TENM3: variants seen among roughly 807,000 people sequenced by gnomAD.
TENM3 encodes the protein teneurin transmembrane protein 3.
In TENM3, 63 loss-of-function variants were observed where a neutral mutation model predicts 255.1. That is an observed-to-expected ratio of 0.25 (90% CI 0.20 to 0.30). TENM3 has a LOEUF of 0.30. Ranked by LOEUF, TENM3 falls within the 10% of genes least tolerant of loss-of-function variation. TENM3 has a pLI of 1.00. For synonymous variants in TENM3, 1,306 were observed against 1,322.3 expected, an observed-to-expected ratio of 0.99 and a Z score of 0.27; for missense variants, 2,929 against 3,461.1, an observed-to-expected ratio of 0.85 and a Z score of 3.86.
chr4:182,574,561 A>G (rs1744729914), intron 3 of TENM3, among the ~76,000 whole-genome samples: 2 of 152,154 alleles, frequency 1.3e-5, no homozygotes, highest in Admixed American at 1.3e-4. Context: ...GGTTTTATGT[A>G]TTATGTATTT....
At chr4:181,612,675 G>A in the TENM3 span, among the ~76,000 whole-genome samples, 1 of 151,878 alleles carries the variant, frequency 6.6e-6, no homozygotes, top group Non-Finnish European at 1.5e-5. Context: ...TTCTTTTTAT[G>A]TGATAGGATA....
intron 1 of TENM3, among the ~76,000 whole-genome samples, chr4:182,213,194 T>C (rs1755171708): frequency 6.6e-6 from 1 of 152,218 alleles, no homozygotes; most frequent in Non-Finnish European, 1.5e-5. Context: ...TTGTAACTTA[T>C]CAAGTAATGA....
the TENM3 span, among the ~76,000 whole-genome samples, chr4:182,095,059 C>T: frequency 6.6e-6 from 1 of 151,930 alleles, no homozygotes; most frequent in Non-Finnish European, 1.5e-5. Context: ...GAAAGAAGAA[C>T]CCTACTATGC....
the TENM3 span, among the ~76,000 whole-genome samples, chr4:181,893,494 C>A: frequency 1.0e-5 from 1 of 97,810 alleles, no homozygotes; most frequent in East Asian, 3.7e-4. Flanking sequence ...CCTGCCCACC[C>A]CCCCCCCACC....
chr4:182,600,017 G>A lies in TENM3; in HGVS notation c.512-907G>A, dbSNP rs143027656. ...TAATTTGTGAATTTTAACTTATGAC[G>A]TATTAGCTTTACGGAATTTTCTAGC... On this transcript the variant is annotated intron_variant, in intron 3 of 27. Transcript: ENST00000511685. 3.7e-4 allele frequency among the ~76,000 whole-genome samples: 57 copies of A among 152,276 alleles called. 1 individual carries two copies. The highest frequency in any genetic ancestry group is 3.0e-3 in the Admixed American group (46 of 15,288).
chr4:182,083,913 C>T, the TENM3 span, among the ~76,000 whole-genome samples: 1 of 151,990 alleles, frequency 6.6e-6, no homozygotes, highest in Non-Finnish European at 1.5e-5. Flanking sequence ...GAGCTGTGCT[C>T]TCTTACAGAG....
At chr4:182,214,429 A>C (rs1175852963) in intron 1 of TENM3, among the ~76,000 whole-genome samples, 1 of 152,168 alleles carries the variant, frequency 6.6e-6, no homozygotes, top group African/African-American at 2.4e-5. Context: ...ATTATTTTCC[A>C]TTCTTGATCA....
intron 1 of TENM3, among the ~76,000 whole-genome samples, chr4:182,320,222 T>G (rs767140965): frequency 1.3e-5 from 2 of 152,200 alleles, no homozygotes; most frequent in Non-Finnish European, 2.9e-5. Context: ...TTGCAGGCCA[T>G]CAGGTCTCTG....
intron 1 of TENM3, among the ~76,000 whole-genome samples, chr4:182,250,030 AT>A (rs1579893222): frequency 7.3e-6 from 1 of 137,562 alleles, no homozygotes; most frequent in East Asian, 2.1e-4. Flanking sequence ...TGTTCTGGTC[AT>A]TTTTCTTTTT....
the TENM3 span, among the ~76,000 whole-genome samples, chr4:182,026,117 T>G: frequency 6.6e-6 from 1 of 152,192 alleles, no homozygotes; most frequent in Non-Finnish European, 1.5e-5. Flanking sequence ...AGAATGTGGT[T>G]TCCAGCTTCA....
chr4:181,733,611 G>A, the TENM3 span, among the ~76,000 whole-genome samples: 1 of 152,118 alleles, frequency 6.6e-6, no homozygotes, highest in Non-Finnish European at 1.5e-5. Context: ...TTTGAATGAT[G>A]CTACCAGCTT....
chr4:182,737,976 A>G lies in TENM3; in HGVS notation c.3236-425A>G, dbSNP rs115007667. Among the ~76,000 whole-genome samples the G allele has an allele frequency of 4.6e-3, 705 of 152,256 alleles. 1 individual carries two copies. Among genetic ancestry groups the G allele is most frequent in the African/African-American group, 0.016 (681 of 41,536 alleles). On this transcript the variant is annotated intron_variant, in intron 17 of 27. Transcript: ENST00000511685. ...TAGCTTTTTTGTTCCATTGAACCTT[A>G]CTTATCATAAATATTTTCCATAATT...
chr4:182,725,111 G>A (rs1173296145), intron 13 of TENM3, among the ~76,000 whole-genome samples: 3 of 151,554 alleles, frequency 2.0e-5, no homozygotes, highest in Non-Finnish European at 4.4e-5. Flanking sequence ...AGAGCACAGT[G>A]GTGGGATCAT....
chr4:182,730,386 C>T, intron 15 of TENM3, 67 bp downstream of exon 15: 2 of 1,566,098 alleles, frequency 1.3e-6, no homozygotes, highest in Non-Finnish European at 1.7e-6. Context: ...TCCTGTACCA[C>T]TGTCATGTTT....
At chr4:181,985,712 C>T in the TENM3 span, among the ~76,000 whole-genome samples, 23 of 152,190 alleles carry the variant, frequency 1.5e-4, no homozygotes, top group Non-Finnish European at 3.2e-4. Flanking sequence ...CAATTCAAAG[C>T]AACAAAATGT....
chr4:181,644,929 G>A, the TENM3 span, among the ~76,000 whole-genome samples: 1 of 152,196 alleles, frequency 6.6e-6, no homozygotes, highest in East Asian at 1.9e-4. Flanking sequence ...AAGGCTGGGA[G>A]AGGAGGAGAG....
chr4:181,891,275 G>A, the TENM3 span, among the ~76,000 whole-genome samples: 1 of 152,154 alleles, frequency 6.6e-6, no homozygotes, highest in Non-Finnish European at 1.5e-5. Context: ...GGAGGAAAAT[G>A]CATCTAAAAC....
the TENM3 span, among the ~76,000 whole-genome samples, chr4:181,698,944 T>A: frequency 6.6e-6 from 1 of 152,178 alleles, no homozygotes; most frequent in Non-Finnish European, 1.5e-5. Context: ...GACATTTAAC[T>A]TTTTTTAAAA....
In TENM3 at chr4:182,197,051, CATGT is replaced by C. The variant is rs2149810200; in HGVS notation, c.-76+52298_-76+52301del. 1.3e-5 allele frequency among the ~76,000 whole-genome samples: 2 copies of C among 152,296 alleles called. 1 individual carries two copies. Among genetic ancestry groups the C allele is most frequent in the South Asian group, 4.1e-4 (2 of 4,826 alleles). On this transcript the variant is annotated intron_variant, in intron 1 of 2. Transcript: ENST00000512480. ...GAGTTGCTGTTGCATTTCATGTCAG[CATGT>C]TACAGTTTCACAATTTAAACTCCTT...
Sources: allele counts gnomAD v4.1 joint callset (sites outside exome capture counted in the v4.1 genomes callset), GRCh38; gene constraint gnomAD v4.1.1; transcripts MANE v1.5; gene names NCBI Gene and HGNC (gene_info 2026-07-23, HGNC 2026-07-21).